The following NMNAT2 variants were observed in gnomAD, a reference collection of about 807,000 sequenced individuals.
NMNAT2 encodes the protein nicotinamide/nicotinic acid mononucleotide adenylyltransferase 2.
NMNAT2 carries 11 observed loss-of-function variants against 41.6 expected under a neutral mutation model. That is an observed-to-expected ratio of 0.26 (90% confidence interval 0.17 to 0.44). NMNAT2 has a LOEUF of 0.44. NMNAT2 is among the 20% of genes least tolerant of loss of function. The pLI is 1.00. For missense variants in NMNAT2, 288 were observed against 407.7 expected, an observed-to-expected ratio of 0.71 and a Z score of 2.53; for synonymous variants, 148 against 151.2, an observed-to-expected ratio of 0.98 and a Z score of 0.16.
chr1:183,306,997 T>A (rs1662008166), intron 1 of NMNAT2, among the ~76,000 whole-genome samples: 1 of 151,926 alleles, frequency 6.6e-6, no homozygotes, highest in South Asian at 2.1e-4. Flanking sequence ...CATGAGGAAG[T>A]GCAACCACTC....
intron 1 of NMNAT2, among the ~76,000 whole-genome samples, chr1:183,310,830 T>G (rs1483937872): frequency 6.7e-6 from 1 of 148,794 alleles, no homozygotes; most frequent in African/African-American, 2.5e-5. Flanking sequence ...GGTGGAAGAA[T>G]TATGGCCCCA....
At chr1:183,298,070 A>G (rs1661750485) in intron 1 of NMNAT2, among the ~76,000 whole-genome samples, 1 of 152,254 alleles carries the variant, frequency 6.6e-6, no homozygotes, top group South Asian at 2.1e-4. Context: ...GACAAAGAGC[A>G]TCTGCAAAAA....
intron 1 of NMNAT2, among the ~76,000 whole-genome samples, chr1:183,326,058 A>G (rs1298286222): frequency 6.6e-6 from 1 of 152,102 alleles, no homozygotes; most frequent in African/African-American, 2.4e-5. Flanking sequence ...TAATGAACAG[A>G]ATGCAGTCAT....
intron 1 of NMNAT2, among the ~76,000 whole-genome samples, chr1:183,301,809 G>T (rs769767788): frequency 6.6e-6 from 1 of 152,180 alleles, no homozygotes; most frequent in Non-Finnish European, 1.5e-5. Context: ...AGTGAACCTG[G>T]CTGACATGTG....
Position 183,362,771 on chromosome 1 carries a change from A to C in NMNAT2, c.85+55412T>G, listed in dbSNP as rs571957184. Among the ~76,000 whole-genome samples the C allele has an allele frequency of 5.4e-4, 82 of 152,350 alleles. No homozygotes were observed. In the Middle Eastern group the frequency reaches 0.014, roughly 25 times the overall value. The stretch of plus-strand genomic sequence containing the variant: ...TTTCAATTGTTTTCAATTCTCTTGC[A>C]TATATACCTAGAAGTGGTATTGGTG... On this transcript the variant is annotated intron_variant, in intron 1 of 10. Coordinates refer to ENST00000287713, the MANE Select transcript of NMNAT2 (RefSeq NM_015039.4).
At chr1:183,276,426 G>A (rs1238655304) in intron 8 of NMNAT2, among the ~76,000 whole-genome samples, 1 of 152,230 alleles carries the variant, frequency 6.6e-6, no homozygotes, top group African/African-American at 2.4e-5. Context: ...ACAACACCAA[G>A]ACCAGCCATT....
At chr1:183,372,330 C>A (rs986842426) in intron 1 of NMNAT2, among the ~76,000 whole-genome samples, 1 of 152,108 alleles carries the variant, frequency 6.6e-6, no homozygotes, top group Non-Finnish European at 1.5e-5. Flanking sequence ...GAAACAGAAG[C>A]AATGACTACA....
At chr1:183,376,026 G>T (rs527987760) in intron 1 of NMNAT2, among the ~76,000 whole-genome samples, 21 of 152,156 alleles carry the variant, frequency 1.4e-4, no homozygotes, top group African/African-American at 4.8e-4. Context: ...TAAGATGAAA[G>T]GTAAAAAAAT....
chr1:183,270,531 G>GAA (rs200256017), intron 8 of NMNAT2, among the ~76,000 whole-genome samples: 5 of 144,810 alleles, frequency 3.5e-5, no homozygotes, highest in South Asian at 2.2e-4. Flanking sequence ...CCCTCTTAAT[G>GAA]AAAAAAAAAA....
At chr1:183,253,754 G>C (rs1037028608) in intron 10 of NMNAT2, among the ~76,000 whole-genome samples, 1 of 152,094 alleles carries the variant, frequency 6.6e-6, no homozygotes, top group Non-Finnish European at 1.5e-5. Flanking sequence ...TTCTCTATCT[G>C]TGTATTTAAG....
At chr1:183,278,000 G>C (rs1661164251) in intron 8 of NMNAT2, among the ~76,000 whole-genome samples, 1 of 152,196 alleles carries the variant, frequency 6.6e-6, no homozygotes, top group Admixed American at 6.5e-5. Flanking sequence ...GAGCTGGTTT[G>C]AGATCATCAC....
chr1:183,387,887 A>G (rs961900741), intron 1 of NMNAT2, among the ~76,000 whole-genome samples: 1 of 152,234 alleles, frequency 6.6e-6, no homozygotes, highest in Admixed American at 6.5e-5. Context: ...GTCAGGAGGT[A>G]GATTCTCAGT....
intron 8 of NMNAT2, among the ~76,000 whole-genome samples, 183 bp downstream of exon 8, chr1:183,278,370 T>G (rs1179053355): frequency 6.6e-6 from 1 of 151,414 alleles, no homozygotes; most frequent in Non-Finnish European, 1.5e-5. Flanking sequence ...TGAGGAGGAG[T>G]AAGTGTAAAA....
chr1:183,312,127 G>T (rs974808005), intron 1 of NMNAT2, among the ~76,000 whole-genome samples: 1 of 151,934 alleles, frequency 6.6e-6, no homozygotes, highest in Non-Finnish European at 1.5e-5. Context: ...TGTCTTTACC[G>T]GCAGTGTGAA....
chr1:183,350,999 G>A (rs1211031933), intron 1 of NMNAT2, among the ~76,000 whole-genome samples: 1 of 152,180 alleles, frequency 6.6e-6, no homozygotes, highest in East Asian at 1.9e-4. Context: ...GGAATCTTGT[G>A]CTAGGGATTG....
chr1:183,282,564 T>A (rs1661297951), intron 7 of NMNAT2, among the ~76,000 whole-genome samples: 1 of 152,236 alleles, frequency 6.6e-6, no homozygotes. Context: ...TACACTGGAA[T>A]ACAATGAGAA....
chr1:183,353,262 T>C (rs1160596540), intron 1 of NMNAT2, among the ~76,000 whole-genome samples: 1 of 152,056 alleles, frequency 6.6e-6, no homozygotes, highest in Non-Finnish European at 1.5e-5. Context: ...CGCCTCGGCC[T>C]CCCAAAGTGC....
intron 1 of NMNAT2, among the ~76,000 whole-genome samples, chr1:183,310,755 C>T (rs985841380): frequency 6.6e-6 from 1 of 151,954 alleles, no homozygotes; most frequent in Non-Finnish European, 1.5e-5. Context: ...GGTTGAAAAT[C>T]CTGTTCTACA....
At chr1:183,278,229 A>G (rs1661168785) in intron 8 of NMNAT2, among the ~76,000 whole-genome samples, 1 of 152,186 alleles carries the variant, frequency 6.6e-6, no homozygotes, top group Non-Finnish European at 1.5e-5. Context: ...CAATAATCTT[A>G]AAAGGGCAAA....
Sources: gnomAD v4.1 joint callset for allele counts (sites outside exome capture counted in the v4.1 genomes callset) on GRCh38, gnomAD v4.1.1 for gene constraint, MANE v1.5 for transcripts, NCBI Gene and HGNC (gene_info 2026-07-23, HGNC 2026-07-21) for gene names.